DSCAM: variants seen among roughly 807,000 people sequenced by gnomAD.
The protein encoded by DSCAM is cell adhesion molecule DSCAM.
In DSCAM, 47 loss-of-function variants were observed where a neutral mutation model predicts 217.7. That is an observed-to-expected ratio of 0.22 (90% CI 0.17 to 0.28). The LOEUF is 0.28. Ranked by LOEUF, DSCAM falls within the 10% of genes least tolerant of loss-of-function variation. The pLI is 1.00. For missense variants in DSCAM, 2,080 were observed against 2,618.3 expected (o/e 0.79, Z 4.49); for synonymous variants, 1,056 against 1,015.3 (o/e 1.04, Z -0.76).
At chr21:40,569,694 G>A (rs1301728265) in intron 3 of DSCAM, among the ~76,000 whole-genome samples, 1 of 152,130 alleles carries the variant, frequency 6.6e-6, no homozygotes, top group African/African-American at 2.4e-5. Context: ...GGTGGACCCT[G>A]ACTGACATAC....
chr21:40,275,785 G>C (rs1263393631), intron 11 of DSCAM, among the ~76,000 whole-genome samples: 1 of 152,094 alleles, frequency 6.6e-6, no homozygotes, highest in Non-Finnish European at 1.5e-5. Flanking sequence ...GGTGTTAAAG[G>C]CAGAGACCTA....
intron 3 of DSCAM, among the ~76,000 whole-genome samples, chr21:40,684,150 G>A (rs754477798): frequency 7.9e-5 from 12 of 151,878 alleles, no homozygotes; most frequent in Non-Finnish European, 1.5e-4. Flanking sequence ...CTTGAACTCG[G>A]TGGAGAAGAG....
intron 11 of DSCAM, among the ~76,000 whole-genome samples, chr21:40,273,424 G>A (rs1241807966): frequency 1.3e-5 from 2 of 152,252 alleles, no homozygotes; most frequent in East Asian, 3.9e-4. Flanking sequence ...TCTTTGAAGT[G>A]TGTTCACTTT....
chr21:40,196,422 C>CA (rs2091009530), intron 11 of DSCAM, among the ~76,000 whole-genome samples: 1 of 152,104 alleles, frequency 6.6e-6, no homozygotes, highest in Admixed American at 6.5e-5. Flanking sequence ...GCTCAGGCCC[C>CA]ACCGCACGTT....
At chr21:40,277,400 G>A (rs16999604) in intron 10 of DSCAM, among the ~76,000 whole-genome samples, 4,469 of 152,220 alleles carry the variant, frequency 0.029, 205 homozygotes, top group African/African-American at 0.1. Flanking sequence ...GACAACTTGT[G>A]TATTGGTCTC....
chr21:40,713,889 C>T (rs972967255), intron 1 of DSCAM, among the ~76,000 whole-genome samples: 2 of 152,110 alleles, frequency 1.3e-5, no homozygotes, highest in Non-Finnish European at 2.9e-5. Flanking sequence ...GGGCACTCTC[C>T]GTGGCTTGCT....
chr21:40,188,479 C>T (rs2090919828), intron 12 of DSCAM, among the ~76,000 whole-genome samples: 1 of 152,162 alleles, frequency 6.6e-6, no homozygotes, highest in African/African-American at 2.4e-5. Flanking sequence ...CCAATATAAG[C>T]ATTTCAAACA....
intron 3 of DSCAM, among the ~76,000 whole-genome samples, chr21:40,637,624 C>CTATATCTATATAAAT (rs1265414818): frequency 3.0e-5 from 1 of 33,292 alleles, no homozygotes; most frequent in African/African-American, 1.1e-4. Flanking sequence ...TAAATATATA[C>CTATATCTATATAAAT]ATATATAAAT....
intron 3 of DSCAM, among the ~76,000 whole-genome samples, chr21:40,435,545 C>T (rs2097042934): frequency 1.5e-5 from 1 of 65,478 alleles, no homozygotes; most frequent in Non-Finnish European, 4.1e-5. Flanking sequence ...ACTGTATCTA[C>T]CAAAAAAAAA....
chr21:40,013,175 C>T lies in DSCAM; in HGVS notation c.5898G>A (p.Gly1966=). 6.2e-7 allele frequency: 1 copy of T among 1,613,654 alleles called. No individual in the cohort carries two copies. The highest frequency in any genetic ancestry group is 8.5e-7 in the Non-Finnish European group (1 of 1,179,818). The change falls in exon 33 of 33, where the codon GGG becomes GGA. Residue 1966 remains glycine (G), a synonymous_variant. Coordinates refer to ENST00000400454, the MANE Select transcript of DSCAM (RefSeq NM_001389.5). ...CCCGCTGAGGTAATGTGGCCACGGC[C>T]CCCGGCTGCCACGACTGTCCTTCTC... The part of the protein sequence containing the change: ...STREGQSWQP[G]AVATLPQREG...
intron 1 of DSCAM, among the ~76,000 whole-genome samples, chr21:40,757,397 C>CA (rs1441038507): frequency 1.6e-4 from 25 of 152,120 alleles, no homozygotes; most frequent in Admixed American, 1.6e-3. Flanking sequence ...AGACTATTTG[C>CA]AAAAAATGGC....
At position 40,814,566 on chromosome 21, in the gene DSCAM, G is replaced by A. The variant is rs766037868; in HGVS notation, c.43+32053C>T. Reference sequence around the variant, plus strand: ...AGGAAGGGAGCTGTCTGTCTCTACCGTGGTGATGCTAAAGGCTTAGCAGCA... The same window carrying A: ...AGGAAGGGAGCTGTCTGTCTCTACCATGGTGATGCTAAAGGCTTAGCAGCA... On this transcript the variant is annotated intron_variant, in intron 1 of 32. Coordinates refer to ENST00000400454, the MANE Select transcript of DSCAM (RefSeq NM_001389.5). Among the ~76,000 whole-genome samples, 60 of 152,324 alleles carry A rather than the reference G, an allele frequency of 3.9e-4. 1 individual carries two copies. The highest frequency in any genetic ancestry group is 6.8e-3 in the Middle Eastern group (2 of 294).
At chr21:40,355,405 G>A (rs958373505) in intron 4 of DSCAM, among the ~76,000 whole-genome samples, 5 of 152,188 alleles carry the variant, frequency 3.3e-5, no homozygotes, top group African/African-American at 1.2e-4. Flanking sequence ...TCTTGAACCA[G>A]GTGAGGAAAT....
intron 3 of DSCAM, among the ~76,000 whole-genome samples, chr21:40,611,213 C>T (rs2089310946): frequency 6.6e-6 from 1 of 151,874 alleles, no homozygotes; most frequent in Admixed American, 6.6e-5. Context: ...TGCACGCCTC[C>T]ACCCACAGCT....
chr21:40,047,663 T>C (rs2088863946), intron 30 of DSCAM, among the ~76,000 whole-genome samples: 2 of 152,250 alleles, frequency 1.3e-5, no homozygotes, highest in African/African-American at 4.8e-5. Context: ...TTGGTTTCCA[T>C]ATCTTGCAGT....
intron 3 of DSCAM, among the ~76,000 whole-genome samples, chr21:40,567,931 T>C (rs1288626998): frequency 6.6e-6 from 1 of 152,116 alleles, no homozygotes; most frequent in Non-Finnish European, 1.5e-5. Flanking sequence ...CTTGATCTAG[T>C]GTTTTTTTGT....
At position 40,598,964 on chromosome 21, in the gene DSCAM, C is replaced by T. The variant is rs112635061; in HGVS notation, c.508+93846G>A. ...TTTAACGACATATAATGCTGATCAT[C>T]TTTTCATATCTTTATCTTCCACTTC... is the stretch of plus-strand genomic sequence containing the variant. On this transcript the variant is annotated intron_variant, in intron 3 of 32. Transcript: ENST00000400454. Among the ~76,000 whole-genome samples, 298 of 152,280 alleles carry T rather than the reference C, an allele frequency of 2.0e-3. 2 individuals carry two copies. The highest frequency in any genetic ancestry group is 2.1e-3 in the Non-Finnish European group (146 of 68,018).
At chr21:40,706,104 C>T (rs1192900648) in intron 2 of DSCAM, among the ~76,000 whole-genome samples, 3 of 149,360 alleles carry the variant, frequency 2.0e-5, no homozygotes, top group Admixed American at 6.7e-5. Context: ...GGCGTGAACC[C>T]GGGAGGTGGA....
At chr21:40,610,061 C>T (rs1427588139) in intron 3 of DSCAM, among the ~76,000 whole-genome samples, 2 of 152,184 alleles carry the variant, frequency 1.3e-5, no homozygotes, top group Non-Finnish European at 2.9e-5. Flanking sequence ...AACCAAACAC[C>T]TTTAAAACAA....
Sources: allele counts gnomAD v4.1 joint callset (sites outside exome capture counted in the v4.1 genomes callset), GRCh38; gene constraint gnomAD v4.1.1; transcripts MANE v1.5; gene names NCBI Gene and HGNC (gene_info 2026-07-23, HGNC 2026-07-21).